Variants in DRICH1 observed in about 807,000 individuals in gnomAD.
DRICH1 encodes aspartate-rich protein 1.
DRICH1 carries 38 observed loss-of-function variants against 39.5 expected under a neutral mutation model. The ratio of observed to expected loss-of-function variants is 0.96; its 90% CI spans 0.74 to 1.26. The LOEUF (loss-of-function observed/expected upper bound fraction) is 1.26, where lower values mean the gene tolerates loss of function less well. Ranked by LOEUF, DRICH1 falls within the 50% of genes most tolerant of loss-of-function variation. The pLI is 0.00. For synonymous variants in DRICH1, 84 were observed against 99.5 expected, an observed-to-expected ratio of 0.84 and a Z score of 0.93; for missense variants, 279 against 270.4, an observed-to-expected ratio of 1.03 and a Z score of -0.22.
rs1299471213 is a variant in DRICH1 at position 23,612,480 on chromosome 22, AAG to A, written c.685+807_685+808del. On this transcript the variant is annotated intron_variant, in intron 11 of 11. Transcript: ENST00000317749. The stretch of plus-strand genomic sequence containing the variant: ...AGACTCCATCTCAAAAAAAAAAAAA[AAG>A]AAAAAAAAAAGTCTAGAACTTAAGT... Among the ~76,000 whole-genome samples the A allele has an allele frequency of 6.1e-4, 83 of 135,094 alleles. 19 individuals are homozygous for A. Among genetic ancestry groups the A allele is most frequent in the South Asian group, 1.7e-3 (8 of 4,620 alleles). 88.6% of individuals were successfully genotyped at this position (135,094 alleles called of 152,430 possible).
intron 2 of DRICH1, among the ~76,000 whole-genome samples, chr22:23,625,126 T>C (rs1927984250): frequency 6.6e-6 from 1 of 152,186 alleles, no homozygotes; most frequent in Non-Finnish European, 1.5e-5. Flanking sequence ...AAATGCACAA[T>C]GCCTAATTTA....
In DRICH1 at chr22:23,613,314, A is replaced by G; in HGVS notation, c.660T>C (p.Ser220=). Residue 220 remains serine, a synonymous_variant, in exon 11 of 12, where the codon AGT becomes AGC. Transcript: ENST00000317749. ...ARIESDLTLE[S]LSDEEIHPG ...CTGGATGAATCTCTTCATCACTTAG[A>G]CTCTCCAGCGTCAAGTCTTTAGAAA... 3 of 1,613,458 alleles carry G rather than the reference A, an allele frequency of 1.9e-6. No individual in the cohort carries two copies. The highest frequency in any genetic ancestry group is 2.5e-6 in the Non-Finnish European group (3 of 1,179,614).
chr22:23,606,103 T>G (rs1926719726), downstream of DRICH1, among the ~76,000 whole-genome samples: 1 of 151,442 alleles, frequency 6.6e-6, no homozygotes, highest in Non-Finnish European at 1.5e-5. Flanking sequence ...AAAAAAAAAT[T>G]AATTCAAACA....
At chr22:23,600,543 TG>T in the DRICH1 span, among the ~76,000 whole-genome samples, 1 of 152,194 alleles carries the variant, frequency 6.6e-6, no homozygotes, top group East Asian at 1.9e-4. Context: ...GCACAGGGCC[TG>T]GGCACCTCGG....
chr22:23,613,542 C>T, intron 10 of DRICH1, 97 bp downstream of exon 10: 1 of 1,046,916 alleles, frequency 9.6e-7, no homozygotes, highest in Non-Finnish European at 1.5e-6. Context: ...ACGAGAACCC[C>T]AAGCCTCTTT....
At chr22:23,619,239 G>T in intron 6 of DRICH1, 125 bp downstream of exon 6, 1 of 631,990 alleles carries the variant, frequency 1.6e-6, no homozygotes, top group Non-Finnish European at 2.9e-6. Context: ...TAACTAATCA[G>T]CTGTCAACAT....
the DRICH1 span, among the ~76,000 whole-genome samples, chr22:23,597,134 C>T: frequency 7.6e-6 from 1 of 132,372 alleles, no homozygotes; most frequent in Non-Finnish European, 1.7e-5. Flanking sequence ...ACTGACCCAT[C>T]TTTCTTTTCC....
chr22:23,620,059 T>G (rs1281234043), intron 5 of DRICH1, among the ~76,000 whole-genome samples: 3 of 151,834 alleles, frequency 2.0e-5, no homozygotes, highest in Non-Finnish European at 4.4e-5. Context: ...CTTTAAATAA[T>G]AAAGCAAGAA....
At chr22:23,614,541 A>G (rs1927239366) in intron 8 of DRICH1, among the ~76,000 whole-genome samples, 1 of 152,080 alleles carries the variant, frequency 6.6e-6, no homozygotes, top group Admixed American at 6.5e-5. Flanking sequence ...AACCAACAGG[A>G]TTTTCTTAAC....
the DRICH1 span, among the ~76,000 whole-genome samples, chr22:23,595,289 C>A: frequency 1.3e-5 from 2 of 148,992 alleles, no homozygotes; most frequent in African/African-American, 5.0e-5. Context: ...GTGTATTCAT[C>A]CCCTGAGAAG....
chr22:23,600,342 T>C, the DRICH1 span, among the ~76,000 whole-genome samples: 1 of 152,178 alleles, frequency 6.6e-6, no homozygotes, highest in African/African-American at 2.4e-5. Context: ...CCACCCTGGG[T>C]CCCTCTGAGC....
chr22:23,625,038 ACACTTTAG>A, intron 2 of DRICH1, 134 bp from the exon 3 acceptor site: 1 of 1,016,018 alleles, frequency 9.8e-7, no homozygotes, highest in Non-Finnish European at 1.5e-6. Flanking sequence ...CAAAGACAAA[ACACTTTAG>A]CATAGAGGAC....
At chr22:23,582,555 C>CTTAT in the DRICH1 span, among the ~76,000 whole-genome samples, 3 of 143,872 alleles carry the variant, frequency 2.1e-5, no homozygotes, top group Admixed American at 7.0e-5. Context: ...CCTTCAGGGG[C>CTTAT]TTATTATTAT....
At chr22:23,598,001 T>G in the DRICH1 span, among the ~76,000 whole-genome samples, 1 of 150,622 alleles carries the variant, frequency 6.6e-6, no homozygotes, top group Non-Finnish European at 1.5e-5. Flanking sequence ...AGTTCTGGTT[T>G]AGGTCAGTGT....
In DRICH1 at chr22:23,616,283, C is replaced by T. The variant is rs142548194; in HGVS notation, c.541+570G>A. Among the ~76,000 whole-genome samples the T allele has an allele frequency of 2.3e-3, 355 of 152,210 alleles. 3 individuals are homozygous for T. Among genetic ancestry groups the T allele is most frequent in the African/African-American group, 7.9e-3 (328 of 41,540 alleles). The stretch of plus-strand genomic sequence containing the variant: ...TTGCAGTGGCACAGGCAGAAAAGAG[C>T]AGGTGTTCTAGAAAGATCATCTGTA... On this transcript the variant is annotated intron_variant, in intron 8 of 11. Transcript: ENST00000317749.
intron 1 of DRICH1, among the ~76,000 whole-genome samples, chr22:23,628,337 TG>T (rs1324400509): frequency 6.6e-6 from 1 of 152,078 alleles, no homozygotes; most frequent in Non-Finnish European, 1.5e-5. Context: ...GAGGCCGAGG[TG>T]GGTGGATCAC....
chr22:23,598,617 C>G, the DRICH1 span, among the ~76,000 whole-genome samples: 5 of 152,184 alleles, frequency 3.3e-5, no homozygotes, highest in Non-Finnish European at 7.3e-5. Flanking sequence ...TGCCAGCTGC[C>G]CTCCCTCCTC....
intron 3 of DRICH1, chr22:23,624,441 T>C: frequency 1.4e-6 from 1 of 725,496 alleles, no homozygotes; most frequent in Non-Finnish European, 1.7e-6. Flanking sequence ...CAGCTTCTAT[T>C]TACTTTTTCT....
chr22:23,617,351 C>T (rs1927418309), intron 7 of DRICH1, among the ~76,000 whole-genome samples: 1 of 151,858 alleles, frequency 6.6e-6, no homozygotes, highest in South Asian at 2.1e-4. Context: ...ATGTTTAATA[C>T]AAAGTGCCTT....
Sources: gnomAD v4.1 joint callset for allele counts (sites outside exome capture counted in the v4.1 genomes callset) on GRCh38, gnomAD v4.1.1 for gene constraint, MANE v1.5 for transcripts, NCBI Gene and HGNC (gene_info 2026-07-23, HGNC 2026-07-21) for gene names.